The following CDH18 variants were observed in gnomAD, a reference collection of about 807,000 sequenced individuals.
CDH18 encodes the protein cadherin-18.
CDH18 carries 31 observed loss-of-function variants against 67.9 expected under a neutral mutation model. The observed-to-expected ratio is 0.46, with a 90% confidence interval of 0.34 to 0.62. The LOEUF is 0.62. CDH18 is among the 20% of genes least tolerant of loss of function. The probability of loss-of-function intolerance (pLI) is 0.01; values close to 1 mark genes in which losing one functional copy is unlikely to be tolerated. For synonymous variants in CDH18, 362 were observed against 347.2 expected (o/e 1.04, Z -0.48); for missense variants, 890 against 975.5 (o/e 0.91, Z 1.17).
chr5:19,548,466 G>A (rs974260650), intron 8 of CDH18, among the ~76,000 whole-genome samples: 1 of 151,886 alleles, frequency 6.6e-6, no homozygotes, highest in Non-Finnish European at 1.5e-5. Flanking sequence ...AGGCAGAGAG[G>A]AAATACTTAA....
intron 2 of CDH18, among the ~76,000 whole-genome samples, chr5:19,935,322 G>A (rs1368336891): frequency 6.6e-6 from 1 of 151,198 alleles, no homozygotes; most frequent in Admixed American, 6.6e-5. Flanking sequence ...AGTAAGCTAG[G>A]CGATTTCAGT....
rs528722826 is a variant in CDH18 at position 20,505,976 on chromosome 5, T to C, written c.-580+69486A>G. On this transcript the variant is annotated intron_variant, in intron 1 of 14. Coordinates refer to the CDH18 transcript ENST00000507958. ...ATGCCTGGTCCCTGTGGCTTTGAAT[T>C]GTAACCTATGATCTAGAGAAATAAT... Among the ~76,000 whole-genome samples, 12 of 152,252 alleles carry C rather than the reference T, an allele frequency of 7.9e-5. No homozygotes were observed. The East Asian group carries it at 2.3e-3, about 29-fold the overall frequency.
chr5:20,275,085 T>A (rs1351999465), intron 1 of CDH18, among the ~76,000 whole-genome samples: 1 of 152,164 alleles, frequency 6.6e-6, no homozygotes, highest in African/African-American at 2.4e-5. Context: ...GCTAAAGATT[T>A]TTTTTTTATT....
chr5:20,471,985 C>T (rs1382198757), intron 1 of CDH18, among the ~76,000 whole-genome samples: 1 of 152,326 alleles, frequency 6.6e-6, no homozygotes, highest in South Asian at 2.1e-4. Context: ...AAAATAAATT[C>T]ACTGAACTGA....
intron 1 of CDH18, among the ~76,000 whole-genome samples, chr5:20,413,230 G>T (rs1746953966): frequency 6.6e-6 from 1 of 152,126 alleles, no homozygotes; most frequent in Non-Finnish European, 1.5e-5. Context: ...ATTTGGGTTG[G>T]TTCCAAGTCT....
At chr5:19,707,726 C>T (rs547568649) in intron 5 of CDH18, among the ~76,000 whole-genome samples, 11 of 152,284 alleles carry the variant, frequency 7.2e-5, no homozygotes, top group African/African-American at 2.6e-4. Flanking sequence ...CATAATAAAT[C>T]TGCTCCTATA....
At position 19,570,093 on chromosome 5, in the gene CDH18, A is replaced by G. The variant is rs193169888; in HGVS notation, c.1253+1486T>C. 2.0e-4 allele frequency among the ~76,000 whole-genome samples: 30 copies of G among 152,258 alleles called. No homozygotes were observed. In the East Asian group the frequency reaches 5.6e-3, roughly 28 times the overall value. ...TTGGTAAAGAAAGCCTCATTTGTAC[A>G]GATCTTTTATGGTGCTACATTTTTT... On this transcript the variant is annotated intron_variant, in intron 8 of 12. Transcript: ENST00000382275.
chr5:20,052,950 G>T (rs1392297994), intron 2 of CDH18, among the ~76,000 whole-genome samples: 2 of 151,832 alleles, frequency 1.3e-5, no homozygotes, highest in African/African-American at 4.8e-5. Flanking sequence ...TGGAGCCTGG[G>T]CCTGAAGAAT....
At chr5:19,859,989 G>GGTGT (rs3065070) in intron 2 of CDH18, among the ~76,000 whole-genome samples, 5,108 of 143,100 alleles carry the variant, frequency 0.036, 107 homozygotes, top group Middle Eastern at 0.051. Context: ...GTTTGCTTTG[G>GGTGT]GTGTGTGTGT....
At chr5:20,333,557 G>GTA (rs1367317159) in intron 1 of CDH18, among the ~76,000 whole-genome samples, 20 of 134,582 alleles carry the variant, frequency 1.5e-4, no homozygotes, top group South Asian at 4.6e-4. Flanking sequence ...ACACATATAT[G>GTA]TATATATATA....
intron 2 of CDH18, among the ~76,000 whole-genome samples, chr5:20,077,053 T>G (rs972113556): frequency 3.9e-5 from 6 of 152,162 alleles, no homozygotes; most frequent in Admixed American, 1.3e-4. Flanking sequence ...ATTGGGACCA[T>G]CTTCTTGTGC....
At chr5:19,490,848 A>T (rs1408194524) in intron 11 of CDH18, among the ~76,000 whole-genome samples, 1 of 152,120 alleles carries the variant, frequency 6.6e-6, no homozygotes, top group Non-Finnish European at 1.5e-5. Flanking sequence ...TAAGGGGAAA[A>T]ATAATTTTAT....
chr5:20,464,319 T>C (rs1488776449), intron 1 of CDH18, among the ~76,000 whole-genome samples: 1 of 152,160 alleles, frequency 6.6e-6, no homozygotes, highest in Non-Finnish European at 1.5e-5. Flanking sequence ...CAGTTGCATA[T>C]GAGTGAGGAA....
At position 19,496,245 on chromosome 5, in the gene CDH18, T is replaced by G. The variant is rs182953745; in HGVS notation, c.1630+6747A>C. 1.6e-3 allele frequency among the ~76,000 whole-genome samples: 243 copies of G among 152,292 alleles called. 1 individual carries two copies. Among genetic ancestry groups the G allele is most frequent in the Middle Eastern group, 0.01 (3 of 294 alleles). On this transcript the variant is annotated intron_variant, in intron 11 of 12. Coordinates refer to ENST00000382275, the MANE Select transcript of CDH18 (RefSeq NM_004934.5). ...GAGACAAACTGAAACTAAACAAAAC[T>G]GCAAATCAGCTGTGACTCAGTTCAG... is the stretch of plus-strand genomic sequence containing the variant.
chr5:20,189,827 T>C (rs1385329165), intron 2 of CDH18, among the ~76,000 whole-genome samples: 9 of 152,152 alleles, frequency 5.9e-5, no homozygotes, highest in Non-Finnish European at 1.2e-4. Context: ...ATGCCAGTTA[T>C]TTATTTGTTG....
intron 1 of CDH18, among the ~76,000 whole-genome samples, chr5:20,434,043 G>A (rs68075570): frequency 0.22 from 33,484 of 151,950 alleles, 3,857 homozygotes; most frequent in East Asian, 0.3. Context: ...TACTAGGAAT[G>A]TTTGTTTTTT....
chr5:20,200,544 T>C (rs1461200554), intron 2 of CDH18, among the ~76,000 whole-genome samples: 1 of 151,908 alleles, frequency 6.6e-6, no homozygotes, highest in Non-Finnish European at 1.5e-5. Flanking sequence ...GGCTTGGTGG[T>C]GTGTATCTGT....
chr5:19,496,685 G>C (rs1742380316), intron 11 of CDH18, among the ~76,000 whole-genome samples: 1 of 152,004 alleles, frequency 6.6e-6, no homozygotes. Flanking sequence ...GGTGGAAAGT[G>C]CCTGTAGTCC....
At chr5:20,121,623 T>C (rs972037483) in intron 2 of CDH18, among the ~76,000 whole-genome samples, 1 of 151,984 alleles carries the variant, frequency 6.6e-6, no homozygotes, top group Non-Finnish European at 1.5e-5. Flanking sequence ...TAGAAGAAAA[T>C]ACTTTAAAAA....
Sources: allele counts gnomAD v4.1 joint callset (sites outside exome capture counted in the v4.1 genomes callset), GRCh38; gene constraint gnomAD v4.1.1; transcripts MANE v1.5; gene names NCBI Gene and HGNC (gene_info 2026-07-23, HGNC 2026-07-21).